The following CTNNA2 variants were observed in gnomAD, a reference collection of about 807,000 sequenced individuals.
The protein encoded by CTNNA2 is catenin alpha-2.
Under a neutral mutation model 101.0 loss-of-function variants are expected in CTNNA2, and 42 were observed. The ratio of observed to expected loss-of-function variants is 0.42; its 90% CI spans 0.32 to 0.54. The LOEUF is 0.54. Among genes scored for constraint, CTNNA2 ranks in the 20% least tolerant of loss-of-function variants. The pLI, the probability that CTNNA2 is intolerant of heterozygous loss-of-function variation, is 0.14. For synonymous variants in CTNNA2, 450 were observed against 456.4 expected (o/e 0.99, Z 0.18); for missense variants, 871 against 1,223.1 (o/e 0.71, Z 4.29).
intron 18 of CTNNA2, among the ~76,000 whole-genome samples, chr2:80,637,880 T>C (rs1673046494): frequency 2.0e-5 from 3 of 152,200 alleles, no homozygotes; most frequent in East Asian, 3.9e-4. Flanking sequence ...TCAGTGATTA[T>C]GCATTGCATG....
intron 2 of CTNNA2, among the ~76,000 whole-genome samples, chr2:79,660,366 C>CATGTAT (rs1681950742): frequency 6.7e-6 from 1 of 150,248 alleles, no homozygotes; most frequent in African/African-American, 2.4e-5. Flanking sequence ...ATACTAAATA[C>CATGTAT]ATACACATAT....
chr2:79,731,473 C>G (rs576481395), intron 2 of CTNNA2, among the ~76,000 whole-genome samples: 215 of 152,186 alleles, frequency 1.4e-3, no homozygotes, highest in African/African-American at 4.9e-3. Context: ...CTCTGCAAAA[C>G]CCATACAGGT....
In CTNNA2 at chr2:80,302,404, C is replaced by T. The variant is rs1316592309; in HGVS notation, c.1057-90807C>T. The stretch of plus-strand genomic sequence containing the variant: ...CCATCTGATGCATGGTCTGTTTCTG[C>T]TTTTGCTTCCTGCGCTGCGTGACAA... On this transcript the variant is annotated intron_variant, in intron 7 of 18. Transcript: ENST00000402739. This position sits in a 1 kb window ranked among gnomAD's most constrained non-coding sequence, Gnocchi z 6.4. 1.9e-6 allele frequency: 3 copies of T among 1,614,268 alleles called. No individual in the cohort carries two copies. Among genetic ancestry groups the T allele is most frequent in the Admixed American group, 1.7e-5 (1 of 60,030 alleles).
chr2:80,632,277 AACAC>A (rs141371762), intron 18 of CTNNA2, among the ~76,000 whole-genome samples: 1 of 147,686 alleles, frequency 6.8e-6, no homozygotes, highest in Non-Finnish European at 1.5e-5. Flanking sequence ...CCCCCACCCC[AACAC>A]ACACACACAC....
At chr2:79,465,301 T>G (rs1228954239) in intron 4 of CTNNA2, among the ~76,000 whole-genome samples, 1 of 152,150 alleles carries the variant, frequency 6.6e-6, no homozygotes, top group Non-Finnish European at 1.5e-5. Context: ...TGTAGATGTG[T>G]CATATTATTT....
At chr2:79,406,764 A>G (rs1473489448) in intron 4 of CTNNA2, among the ~76,000 whole-genome samples, 1 of 152,016 alleles carries the variant, frequency 6.6e-6, no homozygotes, top group African/African-American at 2.4e-5. Flanking sequence ...TTGGGGCTAT[A>G]GGAAACATCA....
intron 1 of CTNNA2, among the ~76,000 whole-genome samples, chr2:79,563,188 T>TATATATATATATA (rs1491331448): frequency 4.7e-4 from 20 of 42,292 alleles, no homozygotes; most frequent in South Asian, 2.1e-3. Context: ...TATATATATA[T>TATATATATATATA]TTTCCTTCAT....
At chr2:79,634,348 G>C (rs1573528468) in intron 1 of CTNNA2, among the ~76,000 whole-genome samples, 1 of 152,124 alleles carries the variant, frequency 6.6e-6, no homozygotes, top group African/African-American at 2.4e-5. Context: ...AATACCTTTA[G>C]ATGCAACTCT....
intron 15 of CTNNA2, chr2:80,603,441 C>T (rs1697728459): frequency 6.6e-6 from 1 of 152,008 alleles, no homozygotes; most frequent in South Asian, 2.1e-4. Context: ...ATCGGAAGCC[C>T]ACAGGCCAAC....
At chr2:80,481,989 G>A (rs1183474139) in intron 9 of CTNNA2, among the ~76,000 whole-genome samples, 2 of 152,084 alleles carry the variant, frequency 1.3e-5, no homozygotes, top group Non-Finnish European at 2.9e-5. Flanking sequence ...ATTACTTCCA[G>A]TAAATAGATC....
chr2:80,130,794 G>T (rs549019035), intron 7 of CTNNA2, among the ~76,000 whole-genome samples: 1 of 150,398 alleles, frequency 6.6e-6, no homozygotes, highest in Non-Finnish European at 1.5e-5. Context: ...TTTTTAAAAT[G>T]TTAATGGAAA....
intron 7 of CTNNA2, among the ~76,000 whole-genome samples, chr2:80,057,306 A>C (rs1171076651): frequency 6.6e-6 from 1 of 152,188 alleles, no homozygotes; most frequent in African/African-American, 2.4e-5. Flanking sequence ...CAACTGGGAC[A>C]AGATAATGAA....
intron 7 of CTNNA2, among the ~76,000 whole-genome samples, chr2:79,939,623 T>C (rs1407751622): frequency 2.6e-5 from 4 of 152,324 alleles, no homozygotes; most frequent in African/African-American, 9.6e-5. Flanking sequence ...TATTCTACAA[T>C]TAGCCATTTT....
chr2:79,670,533 CATT>C (rs1241554707), intron 2 of CTNNA2, among the ~76,000 whole-genome samples: 1 of 152,150 alleles, frequency 6.6e-6, no homozygotes, highest in African/African-American at 2.4e-5. Flanking sequence ...CAGCCACTGC[CATT>C]ATTAACAGGC....
At chr2:79,357,552 G>A (rs978408276) in intron 3 of CTNNA2, among the ~76,000 whole-genome samples, 4 of 152,054 alleles carry the variant, frequency 2.6e-5, no homozygotes, top group African/African-American at 7.2e-5. Flanking sequence ...GAGAATGGGC[G>A]GAAGAAATGT....
chr2:80,421,956 C>T (rs1261046175), intron 9 of CTNNA2, among the ~76,000 whole-genome samples: 1 of 152,052 alleles, frequency 6.6e-6, no homozygotes. Context: ...ATCCATTGAA[C>T]TTGATAAATT....
At chr2:80,264,321 C>T (rs1672841640) in intron 7 of CTNNA2, among the ~76,000 whole-genome samples, 1 of 152,088 alleles carries the variant, frequency 6.6e-6, no homozygotes. Flanking sequence ...TTCCAGCTTA[C>T]TTATTTCCAT....
At chr2:80,489,660 C>T (rs976742589) in intron 9 of CTNNA2, among the ~76,000 whole-genome samples, 1 of 152,158 alleles carries the variant, frequency 6.6e-6, no homozygotes, top group Admixed American at 6.5e-5. Context: ...TTTAATAGAA[C>T]TGGGTTCTAT....
Position 79,485,499 on chromosome 2 carries a change from G to A in CTNNA2, c.-134-19555G>A, listed in dbSNP as rs183731372. On this transcript the variant is annotated intron_variant, in intron 4 of 21. Transcript: ENST00000466387. ...TATACTGCTCCTAAGTTTGCAAATC[G>A]CTTTGAAATCTCATTTTATTTCATC... Among the ~76,000 whole-genome samples the A allele has an allele frequency of 7.3e-4, 111 of 152,256 alleles. 1 individual carries two copies. The highest frequency in any genetic ancestry group is 1.3e-3 in the Non-Finnish European group (87 of 68,032).
Sources: allele counts gnomAD v4.1 joint callset (sites outside exome capture counted in the v4.1 genomes callset), GRCh38; gene constraint gnomAD v4.1.1; non-coding constraint Gnocchi (gnomAD v3.1); transcripts MANE v1.5; gene names NCBI Gene and HGNC (gene_info 2026-07-23, HGNC 2026-07-21).